Variants in RNASET2 observed in about 807,000 individuals in gnomAD.
RNASET2 encodes the protein ribonuclease 6.
RNASET2 carries 28 observed loss-of-function variants against 33.9 expected under a neutral mutation model. That is an observed-to-expected ratio of 0.83 (90% confidence interval 0.61 to 1.13). RNASET2 has a LOEUF of 1.13. Among genes scored for constraint, RNASET2 ranks in the 50% most tolerant of loss-of-function variants. The probability of loss-of-function intolerance (pLI) is 0.00; values close to 1 mark genes in which losing one functional copy is unlikely to be tolerated. For missense variants in RNASET2, 330 were observed against 319.9 expected, an observed-to-expected ratio of 1.03 and a Z score of -0.24; for synonymous variants, 123 against 121.0, an observed-to-expected ratio of 1.02 and a Z score of -0.11.
rs1056384631 is a variant in RNASET2 at position 166,929,036 on chromosome 6, C to T, written c.*552G>A. ...CCTAGGGCAGGAGGGGCAAAGTCACCGTTCTAGGACACACCTGTGACCACA... is the reference window on the plus strand; with the variant it reads ...CCTAGGGCAGGAGGGGCAAAGTCACTGTTCTAGGACACACCTGTGACCACA... On this transcript the variant is annotated 3_prime_UTR_variant, in exon 9 of 9. Transcript: ENST00000508775. Among the ~76,000 whole-genome samples the T allele has an allele frequency of 6.6e-6, 1 of 152,194 alleles. No homozygotes were observed. The highest frequency in any genetic ancestry group is 1.5e-5 in the Non-Finnish European group (1 of 68,032).
At chr6:166,955,321 ACACACGCACGCACGCACACG>A (rs1297631997) in intron 1 of RNASET2, among the ~76,000 whole-genome samples, 2 of 66,948 alleles carry the variant, frequency 3.0e-5, no homozygotes, top group African/African-American at 1.6e-4. Flanking sequence ...ACACACGCAC[ACACACGCACGCACGCACACG>A]CACACGCACG....
intron 1 of RNASET2, among the ~76,000 whole-genome samples, chr6:166,955,308 G>GAC (rs1186360338): frequency 2.7e-5 from 1 of 36,966 alleles, no homozygotes; most frequent in African/African-American, 1.3e-4. Flanking sequence ...GCGCACACAC[G>GAC]ACACACACGC....
intron 8 of RNASET2, among the ~76,000 whole-genome samples, chr6:166,930,579 G>A (rs1423111691): frequency 1.4e-5 from 2 of 145,454 alleles, no homozygotes; most frequent in African/African-American, 5.2e-5. Context: ...GCACACACAT[G>A]CACACACACA....
At position 166,924,109 on chromosome 6, in the gene RNASET2, T is replaced by C. The variant is rs2128642569; in HGVS notation, c.*5479A>G. On this transcript the variant is annotated 3_prime_UTR_variant, in exon 9 of 9. Transcript: ENST00000508775. ...CCAGTGCTGCATTCTCTTTTTTTCT[T>C]TTTTTGAAACGGAGTCTTGCTCTGT... Among the ~76,000 whole-genome samples the C allele has an allele frequency of 6.6e-6, 1 of 152,336 alleles. No homozygotes were observed. The highest frequency in any genetic ancestry group is 2.1e-4 in the South Asian group (1 of 4,824).
At chr6:166,955,393 A>G (rs201617921) in intron 1 of RNASET2, 8,899 of 297,974 alleles carry the variant, frequency 0.03, 690 homozygotes, top group Non-Finnish European at 0.031. Flanking sequence ...ACACACACAC[A>G]CGCGCACACA....
intron 1 of RNASET2, among the ~76,000 whole-genome samples, chr6:166,954,107 G>C (rs1191839719): frequency 6.6e-6 from 1 of 152,074 alleles, no homozygotes; most frequent in East Asian, 1.9e-4. Context: ...GACTGCAGGA[G>C]ACCCCCTCCC....
Position 166,944,005 on chromosome 6 carries a change from A to T in RNASET2, c.262-916T>A, listed in dbSNP as rs773309611. The T allele has an allele frequency of 4.8e-4, 101 of 209,300 alleles. 1 individual carries two copies. In the Middle Eastern group the frequency reaches 7.9e-3, roughly 16 times the overall value. 13.0% of individuals were successfully genotyped at this position (209,300 alleles called of 1,614,324 possible). A position where few individuals can be genotyped will look rare whatever the true frequency, so the allele number is the denominator to read the frequency against. ...CACGGTGCCACATGCCTGTAATCCC[A>T]GCTACTCAGGAGGCTGAGGCAGGAG... On this transcript the variant is annotated intron_variant, in intron 4 of 8. Transcript: ENST00000508775.
intron 5 of RNASET2, among the ~76,000 whole-genome samples, chr6:166,941,159 C>A (rs1423733853): frequency 6.6e-6 from 1 of 152,168 alleles, no homozygotes; most frequent in African/African-American, 2.4e-5. Flanking sequence ...TTATCTTTTT[C>A]ATTTAGAACC....
rs1176081878 is a variant in RNASET2, at chr6:166,924,225, C to T, written c.*5363G>A. Reference sequence around the variant, plus strand: ...GATTCATTCTCCTGCCTCAGCCTCCCGAGTAGCTGGGACTACAGGTGCCCG... The same window carrying T: ...GATTCATTCTCCTGCCTCAGCCTCCTGAGTAGCTGGGACTACAGGTGCCCG... On this transcript the variant is annotated 3_prime_UTR_variant, in exon 9 of 9. Transcript: ENST00000508775. Among the ~76,000 whole-genome samples the T allele has an allele frequency of 5.3e-5, 8 of 152,118 alleles. No homozygotes were observed. Among genetic ancestry groups the T allele is most frequent in the East Asian group, 1.9e-4 (1 of 5,190 alleles).
Position 166,922,374 on chromosome 6 carries a change from T to C in RNASET2, c.*7214A>G, listed in dbSNP as rs1298196827. Among the ~76,000 whole-genome samples, 4 of 151,930 alleles carry C rather than the reference T, an allele frequency of 2.6e-5. No homozygotes were observed. Among genetic ancestry groups the C allele is most frequent in the Admixed American group, 1.3e-4 (2 of 15,266 alleles). ...TCATCATCAGCAAGTTGCATCCCAC[T>C]GACCATCCCCCGGCTCCCCATCAAA... On this transcript the variant is annotated 3_prime_UTR_variant, in exon 9 of 9. Coordinates refer to ENST00000508775, the MANE Select transcript of RNASET2 (RefSeq NM_003730.6).
intron 3 of RNASET2, 161 bp downstream of exon 3, chr6:166,948,409 G>T: frequency 1.4e-6 from 1 of 703,062 alleles, no homozygotes; most frequent in Non-Finnish European, 2.6e-6. Context: ...GAGAATCAGG[G>T]TTCTGCTAGA....
In RNASET2 at chr6:166,956,395, C is replaced by G; in HGVS notation, c.-213G>C. 1.7e-6 allele frequency: 1 copy of G among 591,316 alleles called. No homozygotes were observed. The highest frequency in any genetic ancestry group is 3.0e-6 in the Non-Finnish European group (1 of 331,548). 36.6% of individuals were successfully genotyped at this position (591,316 alleles called of 1,614,324 possible). On this transcript the variant is annotated 5_prime_UTR_variant, in exon 1 of 9. Coordinates refer to ENST00000508775, the MANE Select transcript of RNASET2 (RefSeq NM_003730.6). ...CCCCGCGCCGGGCTCCGGGAATGGC[C>G]GCAGCAGCCCTGGCGACCCGGGCCC...
rs9459805 is a variant in RNASET2 at position 166,922,663 on chromosome 6, A to G, written c.*6925T>C. Among the ~76,000 whole-genome samples the G allele has an allele frequency of 0.27, 41,139 of 152,166 alleles. 8,253 individuals are homozygous for G. Among genetic ancestry groups the G allele is most frequent in the African/African-American group, 0.57 (23,733 of 41,468 alleles). Reference sequence around the variant, plus strand: ...ATCTTGGTGACTGGCTGAATCTTGTACATGACTTTTGATGTATGTTGTTAT... The same window carrying G: ...ATCTTGGTGACTGGCTGAATCTTGTGCATGACTTTTGATGTATGTTGTTAT... On this transcript the variant is annotated 3_prime_UTR_variant, in exon 9 of 9. Transcript: ENST00000508775.
Position 166,952,471 on chromosome 6 carries a change from A to G in RNASET2, c.147+17T>C, listed in dbSNP as rs1779009672. On this transcript the variant is annotated intron_variant, in intron 2 of 8. Coordinates refer to ENST00000508775, the MANE Select transcript of RNASET2 (RefSeq NM_003730.6). The stretch of plus-strand genomic sequence containing the variant: ...GGCTCCCCAGGCCCCAGGGCCCGTC[A>G]AGGCAGAAACACTCACCTCGCATAC... 3 of 1,612,894 alleles carry G rather than the reference A, an allele frequency of 1.9e-6. No individual in the cohort carries two copies. Among genetic ancestry groups the G allele is most frequent in the Non-Finnish European group, 2.5e-6 (3 of 1,178,792 alleles).
intron 6 of RNASET2, among the ~76,000 whole-genome samples, chr6:166,936,834 A>G (rs889137576): frequency 2.2e-4 from 34 of 152,252 alleles, no homozygotes; most frequent in African/African-American, 7.5e-4. Context: ...GCCACTTAAT[A>G]AACTATTTGT....
chr6:166,934,399 T>A, intron 6 of RNASET2: 1 of 476,730 alleles, frequency 2.1e-6, no homozygotes, highest in East Asian at 4.0e-5. Flanking sequence ...ATGGGAGCGC[T>A]GGGGCCACCA....
rs11388348 is a variant in RNASET2 at position 166,926,533 on chromosome 6, C to CA, written c.*3054dup. On this transcript the variant is annotated 3_prime_UTR_variant, in exon 9 of 9. Coordinates refer to ENST00000508775, the MANE Select transcript of RNASET2 (RefSeq NM_003730.6). ...TGGGCGACAGAGTGAGACTCAGTCT[C>CA]AAAAAAAAAAAAAAAGAAAAGAAAA... Among the ~76,000 whole-genome samples the CA allele has an allele frequency of 0.71, 91,024 of 128,066 alleles. 33,892 individuals are homozygous for CA. Among genetic ancestry groups the CA allele is most frequent in the East Asian group, 0.86 (3,897 of 4,510 alleles). 84.0% of individuals were successfully genotyped at this position (128,066 alleles called of 152,430 possible).
At chr6:166,949,087 G>A (rs549383505) in intron 2 of RNASET2, among the ~76,000 whole-genome samples, 56 of 150,400 alleles carry the variant, frequency 3.7e-4, no homozygotes, top group Middle Eastern at 3.4e-3. Flanking sequence ...GGTGGCAGGC[G>A]CTAATAGTCA....
chr6:166,939,056 G>T (rs760404581), intron 5 of RNASET2, 48 bp from the exon 6 acceptor site: 2 of 1,328,202 alleles, frequency 1.5e-6, no homozygotes, highest in Non-Finnish European at 2.2e-6. Context: ...GAAACAGGCT[G>T]CGTGCAGTGG....
Sources: allele counts gnomAD v4.1 joint callset (sites outside exome capture counted in the v4.1 genomes callset), GRCh38; gene constraint gnomAD v4.1.1; transcripts MANE v1.5; gene names NCBI Gene and HGNC (gene_info 2026-07-23, HGNC 2026-07-21).